ROBO2: variants seen among roughly 807,000 people sequenced by gnomAD.
ROBO2 encodes the protein roundabout homolog 2.
ROBO2 carries 53 observed loss-of-function variants against 160.8 expected under a neutral mutation model. That is an observed-to-expected ratio of 0.33 (90% CI 0.26 to 0.41). The LOEUF (loss-of-function observed/expected upper bound fraction) is 0.41, where lower values mean the gene tolerates loss of function less well. Among genes scored for constraint, ROBO2 ranks in the 10% least tolerant of loss-of-function variants. The pLI is 1.00. For synonymous variants in ROBO2, 664 were observed against 611.7 expected (o/e 1.09, Z -1.26); for missense variants, 1,577 against 1,722.4 (o/e 0.92, Z 1.49).
At chr3:76,469,880 TTTC>T (rs2078564198) in intron 2 of ROBO2, among the ~76,000 whole-genome samples, 1 of 152,150 alleles carries the variant, frequency 6.6e-6, no homozygotes, top group South Asian at 2.1e-4. Flanking sequence ...TCCAGTAAAT[TTTC>T]TTCTTTTTGC....
At chr3:77,126,950 G>A (rs966692445) in intron 2 of ROBO2, among the ~76,000 whole-genome samples, 2 of 151,500 alleles carry the variant, frequency 1.3e-5, no homozygotes, top group East Asian at 2.0e-4. Flanking sequence ...CACCACGCCC[G>A]GCTAATTTTT....
At chr3:77,202,325 C>A (rs773201192) in intron 2 of ROBO2, among the ~76,000 whole-genome samples, 2 of 152,150 alleles carry the variant, frequency 1.3e-5, no homozygotes, top group African/African-American at 4.8e-5. Context: ...ATACTTTATT[C>A]TAATTTGCTT....
chr3:76,695,417 GTTT>G (rs1018866227), intron 2 of ROBO2, among the ~76,000 whole-genome samples: 1 of 150,466 alleles, frequency 6.6e-6, no homozygotes, highest in Non-Finnish European at 1.5e-5. Flanking sequence ...TCTCAGGCTT[GTTT>G]TTTTTTAAGT....
At chr3:76,903,600 T>C (rs907977102) in intron 2 of ROBO2, among the ~76,000 whole-genome samples, 1 of 152,148 alleles carries the variant, frequency 6.6e-6, no homozygotes, top group Non-Finnish European at 1.5e-5. Flanking sequence ...GGCTTTTCTC[T>C]CCTTCCTCTC....
chr3:76,858,138 C>T (rs1408972320), intron 2 of ROBO2, among the ~76,000 whole-genome samples: 4 of 151,660 alleles, frequency 2.6e-5, no homozygotes, highest in Non-Finnish European at 5.9e-5. Context: ...CTCGCTAGTA[C>T]ACTCCCAGCA....
intron 2 of ROBO2, among the ~76,000 whole-genome samples, chr3:76,243,280 A>G (rs762669645): frequency 2.0e-5 from 3 of 151,634 alleles, no homozygotes; most frequent in South Asian, 2.1e-4. Flanking sequence ...CGGTCCTTCT[A>G]TTTTTCTTAC....
chr3:77,257,318 C>T (rs2058482345), intron 2 of ROBO2, among the ~76,000 whole-genome samples: 1 of 152,154 alleles, frequency 6.6e-6, no homozygotes, highest in African/African-American at 2.4e-5. Flanking sequence ...GCTGAACAAA[C>T]ATGGCCCAGT....
chr3:76,881,399 A>G (rs2073324894), intron 2 of ROBO2, among the ~76,000 whole-genome samples: 1 of 152,186 alleles, frequency 6.6e-6, no homozygotes, highest in African/African-American at 2.4e-5. Flanking sequence ...CCTTAGAAAT[A>G]CACTATTTCT....
intron 2 of ROBO2, among the ~76,000 whole-genome samples, chr3:76,569,720 G>A (rs1190744824): frequency 6.6e-6 from 1 of 152,148 alleles, no homozygotes; most frequent in African/African-American, 2.4e-5. Context: ...TGAGAATCCA[G>A]CTCTATTCCC....
At chr3:77,094,301 A>G (rs745924012) in intron 1 of ROBO2, among the ~76,000 whole-genome samples, 2 of 152,212 alleles carry the variant, frequency 1.3e-5, no homozygotes, top group East Asian at 3.8e-4. Flanking sequence ...AAGTTCATCT[A>G]TGTTGTAGCA....
chr3:76,884,394 A>T (rs959858939), intron 2 of ROBO2, among the ~76,000 whole-genome samples: 2 of 152,328 alleles, frequency 1.3e-5, no homozygotes, highest in Middle Eastern at 6.8e-3. Context: ...GATAAATAAG[A>T]GACAGTCCCT....
At position 76,796,051 on chromosome 3, in the gene ROBO2, G is replaced by T. The variant is rs761167144; in HGVS notation, c.110-301963G>T. 5.9e-5 allele frequency among the ~76,000 whole-genome samples: 9 copies of T among 152,150 alleles called. 1 individual carries two copies. Among genetic ancestry groups the T allele is most frequent in the Middle Eastern group, 6.8e-3 (2 of 294 alleles). ...AAAGGAATCTTCTTTCTGAGCAATAGGTCTCAAAATTGAGTTTAAAATATT... is the reference window on the plus strand; with the variant it reads ...AAAGGAATCTTCTTTCTGAGCAATATGTCTCAAAATTGAGTTTAAAATATT... On this transcript the variant is annotated intron_variant, in intron 2 of 26. Coordinates refer to the ROBO2 transcript ENST00000487694.
At chr3:76,012,107 T>A (rs542043836) in intron 2 of ROBO2, among the ~76,000 whole-genome samples, 1 of 152,314 alleles carries the variant, frequency 6.6e-6, no homozygotes, top group East Asian at 1.9e-4. Flanking sequence ...TTATTTTATC[T>A]CTATGTAGAG....
intron 2 of ROBO2, among the ~76,000 whole-genome samples, chr3:76,343,201 C>T (rs990426306): frequency 6.6e-5 from 10 of 151,992 alleles, no homozygotes; most frequent in Non-Finnish European, 1.5e-5. Context: ...GAATAAAACT[C>T]TCACAGACCA....
intron 2 of ROBO2, among the ~76,000 whole-genome samples, chr3:76,127,941 G>C (rs907929559): frequency 4.0e-4 from 52 of 130,128 alleles, no homozygotes; most frequent in African/African-American, 1.3e-3. Flanking sequence ...TGTCACCCAG[G>C]CTGGAGTGCA....
chr3:77,551,184 A>G (rs1030971605), intron 8 of ROBO2, among the ~76,000 whole-genome samples, 195 bp downstream of exon 9: 2 of 152,034 alleles, frequency 1.3e-5, no homozygotes, highest in Non-Finnish European at 2.9e-5. Context: ...CCCAAAGAAG[A>G]ACTTCAGAGA....
intron 11 of ROBO2, 36 bp downstream of exon 12, chr3:77,563,365 G>A (rs766883443): frequency 6.2e-7 from 1 of 1,600,426 alleles, no homozygotes. Flanking sequence ...ACTGGGTTTT[G>A]TCTTAGCTCC....
chr3:76,217,517 A>G (rs1462153670), intron 2 of ROBO2, among the ~76,000 whole-genome samples: 1 of 152,252 alleles, frequency 6.6e-6, no homozygotes, highest in African/African-American at 2.4e-5. Flanking sequence ...AACTACCGTC[A>G]GAGAATACTA....
At chr3:75,935,382 C>T (rs940767598) in intron 1 of ROBO2, among the ~76,000 whole-genome samples, 51 of 151,858 alleles carry the variant, frequency 3.4e-4, no homozygotes, top group African/African-American at 4.8e-4. Context: ...GATGGTGGTG[C>T]GTGCCTGTAG....
Sources: gnomAD v4.1 joint callset for allele counts (sites outside exome capture counted in the v4.1 genomes callset) on GRCh38, gnomAD v4.1.1 for gene constraint, MANE v1.5 for transcripts, NCBI Gene and HGNC (gene_info 2026-07-23, HGNC 2026-07-21) for gene names.